ARHGAP8: variants seen among roughly 807,000 people sequenced by gnomAD.
ARHGAP8 encodes the protein Rho GTPase activating protein 8.
Under a neutral mutation model 46.1 loss-of-function variants are expected in ARHGAP8, and 62 were observed. The observed-to-expected ratio is 1.34, with a 90% CI of 1.10 to 1.66. The LOEUF is 1.66. Ranked by LOEUF, ARHGAP8 falls within the 40% of genes most tolerant of loss-of-function variation. ARHGAP8 has a pLI of 0.00. For missense variants in ARHGAP8, 923 were observed against 568.4 expected, an observed-to-expected ratio of 1.62 and a Z score of -6.34; for synonymous variants, 375 against 243.1, an observed-to-expected ratio of 1.54 and a Z score of -5.05.
intron 2 of ARHGAP8, among the ~76,000 whole-genome samples, chr22:44,789,190 C>A (rs190067191): frequency 1.1e-4 from 16 of 152,104 alleles, no homozygotes; most frequent in Admixed American, 9.8e-4. Flanking sequence ...TGCTCTGTTG[C>A]CCAGGCTGGA....
intron 1 of ARHGAP8, among the ~76,000 whole-genome samples, chr22:44,784,276 T>C (rs757128522): frequency 8.5e-5 from 13 of 152,048 alleles, no homozygotes; most frequent in Non-Finnish European, 1.9e-4. Context: ...TGGTGGTGCA[T>C]GCCTGTAATT....
chr22:44,837,409 CTG>C (rs1252492321), intron 7 of ARHGAP8, among the ~76,000 whole-genome samples: 2 of 152,200 alleles, frequency 1.3e-5, no homozygotes, highest in African/African-American at 4.8e-5. Flanking sequence ...GACCAACAAA[CTG>C]TGCTCTGTGC....
intron 1 of ARHGAP8, chr22:44,786,159 TGTCGAGTGCATAATGGGTGCTCGGCTGAG>T: frequency 2.0e-6 from 1 of 508,088 alleles, no homozygotes; most frequent in Non-Finnish European, 3.5e-6. Context: ...GCTCGGCTGA[TGTCGAGTGCATAATGGGTGCTCGGCTGAG>T]GTAGGGCGTA....
rs140395831 is a variant in ARHGAP8, at chr22:44,859,739, A to C, written c.886A>C (p.Ser296Arg). Reference sequence around the variant, plus strand: ...GCCCCATGCCCTTCCAGGTGTGGAGAGCAGCCTGCGTGTCACTGGCTGCCG... The same window carrying C: ...GCCCCATGCCCTTCCAGGTGTGGAGCGCAGCCTGCGTGTCACTGGCTGCCG... Reference protein sequence around the residue: ...EQILGITCVESSLRVTGCRQI... With the variant: ...EQILGITCVERSLRVTGCRQI... The change falls in exon 11 of 12, where the codon AGC becomes CGC. Residue 296 changes from serine to arginine, a missense_variant. Physicochemically the swap from Ser to Arg is moderately radical, Grantham distance 110. Transcript: ENST00000356099. 350 of 1,613,622 alleles carry C rather than the reference A, an allele frequency of 2.2e-4. 2 individuals carry two copies. The African/African-American group carries it at 4.2e-3, about 19-fold the overall frequency.
intron 11 of ARHGAP8, 70 bp from the exon 12 acceptor site, chr22:44,862,205 C>G: frequency 1.3e-6 from 2 of 1,519,362 alleles, no homozygotes; most frequent in Non-Finnish European, 1.8e-6. Flanking sequence ...TCCCTAAGTT[C>G]GGGAGGGAGT....
At chr22:44,852,313 C>T (rs1329496679) in intron 10 of ARHGAP8, among the ~76,000 whole-genome samples, 1 of 151,418 alleles carries the variant, frequency 6.6e-6, no homozygotes, top group Non-Finnish European at 1.5e-5. Context: ...CATGGAGCTT[C>T]AATTCCTTTT....
At chr22:44,860,134 G>A (rs1032343461) in intron 11 of ARHGAP8, among the ~76,000 whole-genome samples, 2 of 152,238 alleles carry the variant, frequency 1.3e-5, no homozygotes, top group Admixed American at 1.3e-4. Flanking sequence ...GTCATTTCCT[G>A]CTTGGGCTGA....
chr22:44,799,207 C>A (rs1431711819), intron 2 of ARHGAP8, among the ~76,000 whole-genome samples: 1 of 152,202 alleles, frequency 6.6e-6, no homozygotes, highest in Non-Finnish European at 1.5e-5. Context: ...TGAGCAGAGC[C>A]CTTTGAAGGG....
intron 1 of ARHGAP8, among the ~76,000 whole-genome samples, chr22:44,779,041 T>C (rs1926626771): frequency 6.6e-6 from 1 of 151,492 alleles, no homozygotes; most frequent in Non-Finnish European, 1.5e-5. Context: ...TTGGAATGGA[T>C]ACGTAACGAA....
intron 10 of ARHGAP8, chr22:44,849,353 G>C: frequency 2.4e-6 from 1 of 422,738 alleles, no homozygotes. Context: ...TCTAGATTTG[G>C]GGCTCATCAT....
At chr22:44,860,790 A>G (rs2070440352) in intron 11 of ARHGAP8, among the ~76,000 whole-genome samples, 1 of 151,832 alleles carries the variant, frequency 6.6e-6, no homozygotes, top group African/African-American at 2.4e-5. Context: ...ACGTGGGTCC[A>G]CCCCCAACCC....
At chr22:44,833,010 C>T (rs1338225045) in intron 7 of ARHGAP8, among the ~76,000 whole-genome samples, 1 of 152,050 alleles carries the variant, frequency 6.6e-6, no homozygotes. Flanking sequence ...AACAGTCCTT[C>T]ACTACTAAGC....
In ARHGAP8 at chr22:44,808,418, A is replaced by G. The variant is rs200981266; in HGVS notation, c.279A>G (p.Ala93=). ...CTTCCCTGGGCTGGCTCCAGAGCGC[A>G]TACAAGGAGTTCGATAGGAAGTACG... ...NKPSLGWLQS[A]YKEFDRKYKK... The change falls in exon 4 of 12, where the codon GCA becomes GCG. Residue 93 remains alanine, a synonymous_variant. Transcript: ENST00000356099. 65 of 1,614,192 alleles carry G rather than the reference A, an allele frequency of 4.0e-5. No homozygotes were observed. Among genetic ancestry groups the G allele is most frequent in the African/African-American group, 2.4e-4 (18 of 75,052 alleles).
Position 44,845,366 on chromosome 22 carries a change from G to A in ARHGAP8, c.670+24G>A, listed in dbSNP as rs2069928653. On this transcript the variant is annotated intron_variant, in intron 8 of 11. Transcript: ENST00000356099. Reference sequence around the variant, plus strand: ...AGGTGAGACGGGGCCGGCTCCAGCTGGATGACGTGAGGGCTGCTGGGTGCA... The same window carrying A: ...AGGTGAGACGGGGCCGGCTCCAGCTAGATGACGTGAGGGCTGCTGGGTGCA... 1.9e-6 allele frequency: 3 copies of A among 1,613,792 alleles called. No homozygotes were observed. In the South Asian group the frequency reaches 3.3e-5, roughly 18 times the overall value.
At chr22:44,767,804 T>C (rs1602147340) in intron 1 of ARHGAP8, among the ~76,000 whole-genome samples, 1 of 145,330 alleles carries the variant, frequency 6.9e-6, no homozygotes, top group African/African-American at 2.6e-5. Context: ...ACCCAGGAGA[T>C]GGAGGTTGCA....
At chr22:44,777,682 G>GTTTTA (rs940067413) in intron 1 of ARHGAP8, among the ~76,000 whole-genome samples, 1 of 151,364 alleles carries the variant, frequency 6.6e-6, no homozygotes, top group Non-Finnish European at 1.5e-5. Flanking sequence ...TGATTGTTTT[G>GTTTTA]TTTTATTTTA....
At chr22:44,822,520 C>G (rs756827905) in intron 6 of ARHGAP8, 51 bp downstream of exon 6, 21 of 1,452,988 alleles carry the variant, frequency 1.4e-5, no homozygotes, top group Middle Eastern at 3.6e-4. Flanking sequence ...TTCGTGCTTC[C>G]AAAGGGCTTG....
intron 10 of ARHGAP8, chr22:44,850,800 A>G (rs1161801597): frequency 6.6e-6 from 1 of 152,082 alleles, no homozygotes; most frequent in East Asian, 1.9e-4. Context: ...CCCTGTCTCT[A>G]CTAAAATACA....
In ARHGAP8 at chr22:44,802,181, C is replaced by T. The variant is rs773965825; in HGVS notation, c.167+17C>T. On this transcript the variant is annotated intron_variant, in intron 3 of 11. Coordinates refer to ENST00000356099, the MANE Select transcript of ARHGAP8 (RefSeq NM_181335.3). The stretch of plus-strand genomic sequence containing the variant: ...GCTGCTGGAGTAAGTGTTCTGCCCC[C>T]TCTCTTTCTGTCCCTGTCTCTCCAT... 6.2e-7 allele frequency: 1 copy of T among 1,613,272 alleles called. No individual in the cohort carries two copies. The highest frequency in any genetic ancestry group is 1.3e-5 in the African/African-American group (1 of 74,644).
Sources: gnomAD v4.1 joint callset for allele counts (sites outside exome capture counted in the v4.1 genomes callset) on GRCh38, gnomAD v4.1.1 for gene constraint, MANE v1.5 for transcripts, NCBI Gene and HGNC (gene_info 2026-07-23, HGNC 2026-07-21) for gene names.